The following NOS3 variants were observed in gnomAD, a reference collection of about 807,000 sequenced individuals.
NOS3 encodes the protein nitric oxide synthase 3.
NOS3 carries 98 observed loss-of-function variants against 144.9 expected under a neutral mutation model. That is an observed-to-expected ratio of 0.68 (90% CI 0.57 to 0.80). NOS3 has a LOEUF of 0.80. Ranked by LOEUF, NOS3 falls within the 30% of genes least tolerant of loss-of-function variation. The probability of loss-of-function intolerance (pLI) is 0.00; values close to 1 mark genes in which losing one functional copy is unlikely to be tolerated. For synonymous variants in NOS3, 714 were observed against 702.4 expected, an observed-to-expected ratio of 1.02 and a Z score of -0.26; for missense variants, 1,465 against 1,656.4, an observed-to-expected ratio of 0.88 and a Z score of 2.01.
chr7:151,004,944 G>A (rs1454243751), intron 14 of NOS3, among the ~76,000 whole-genome samples: 4 of 152,008 alleles, frequency 2.6e-5, no homozygotes, highest in Admixed American at 2.0e-4. Context: ...TGCAACCTCC[G>A]CCTCCCCGGT....
chr7:151,010,640 C>T lies in NOS3; in HGVS notation c.2729C>T (p.Thr910Met), dbSNP rs1236633438. Reference sequence around the variant, plus strand: ...GAGTGGAAGTGGTTCCGCTGCCCCACGCTGCTGGAGGTGCTGGAGCAGTTC... The same window carrying T: ...GAGTGGAAGTGGTTCCGCTGCCCCATGCTGCTGGAGGTGCTGGAGCAGTTC... ...YEEWKWFRCPTLLEVLEQFPS... is the reference protein window; with the variant it reads ...YEEWKWFRCPMLLEVLEQFPS... The change falls in exon 22 of 27, where the codon ACG becomes ATG. Residue 910 changes from threonine to methionine, a missense_variant. By Grantham distance (81) the Thr-to-Met change is moderately conservative (BLOSUM62 -1). Around this residue, in one of 5 missense-constraint regions of NOS3, gnomAD observed 745 missense variants for 853.9 expected, o/e 0.87. Transcript: ENST00000297494. 10 of 1,605,682 alleles carry T rather than the reference C, an allele frequency of 6.2e-6. No individual in the cohort carries two copies. The highest frequency in any genetic ancestry group is 7.7e-6 in the Non-Finnish European group (9 of 1,176,422).
At position 151,010,906 on chromosome 7, in the gene NOS3, G is replaced by A. The variant is rs772313522; in HGVS notation, c.2904G>A (p.Leu968=). The change falls in exon 23 of 27, where the codon CTG becomes CTA. Residue 968 remains leucine, a synonymous_variant. Coordinates refer to ENST00000297494, the MANE Select transcript of NOS3 (RefSeq NM_000603.5). Reference sequence around the variant, plus strand: ...TCTCCTTCCCACCCCCAGATGGGCTGGGCCCCCTGCACTATGGAGTCTGCT... The same window carrying A: ...TCTCCTTCCCACCCCCAGATGGGCTAGGCCCCCTGCACTATGGAGTCTGCT... ...AVLAYRTQDG[L]GPLHYGVCST... is the part of the protein sequence containing the mutation. The A allele has an allele frequency of 1.2e-6, 2 of 1,613,710 alleles. No individual in the cohort carries two copies. The highest frequency in any genetic ancestry group is 1.1e-5 in the South Asian group (1 of 90,980).
Position 151,002,274 on chromosome 7 carries a change from T to G in NOS3, c.1722T>G (p.Phe574Leu). ...ETLVLVVTST[F>L]GNGDPPENGE... is the part of the protein sequence containing the mutation. Reference sequence around the variant, plus strand: ...TGGTGCTGGTGGTAACCAGCACATTTGGGAATGGGGATCCCCCGGAGAATG... The same window carrying G: ...TGGTGCTGGTGGTAACCAGCACATTGGGGAATGGGGATCCCCCGGAGAATG... Residue 574 changes from phenylalanine (F) to leucine (L), a missense_variant, in exon 14 of 27, where the codon TTT becomes TTG. Physicochemically the swap from Phe to Leu is conservative, Grantham distance 22. Coordinates refer to ENST00000297494, the MANE Select transcript of NOS3 (RefSeq NM_000603.5). This position sits in a 1 kb window ranked among gnomAD's most constrained non-coding sequence, Gnocchi z 4.1. 1 of 1,598,054 alleles carries G rather than the reference T, an allele frequency of 6.3e-7. No individual in the cohort carries two copies. The highest frequency in any genetic ancestry group is 1.1e-5 in the South Asian group (1 of 88,248).
Position 150,998,559 on chromosome 7 carries a change from C to G in NOS3, c.695C>G (p.Pro232Arg). 6.2e-7 allele frequency: 1 copy of G among 1,609,734 alleles called. No homozygotes were observed. The highest frequency in any genetic ancestry group is 8.5e-7 in the Non-Finnish European group (1 of 1,178,924). The part of the protein sequence containing the change: ...GNLRSAITVF[P>R]QRCPGRGDFR... The stretch of plus-strand genomic sequence containing the variant: ...GCCAGCTCGGCCATCACAGTGTTCC[C>G]GCAGCGCTGCCCTGGCCGAGGAGAC... Residue 232 changes from proline (P) to arginine (R), a missense_variant, in exon 7 of 27, where the codon CCG (proline) becomes CGG (arginine). By Grantham distance (103) the Pro-to-Arg change is moderately radical. Around this residue, in one of 5 missense-constraint regions of NOS3, gnomAD observed 374 missense variants for 377.0 expected, o/e 0.99. Transcript: ENST00000297494. The surrounding 1 kb of genome is among the most constrained non-coding windows in gnomAD (Gnocchi z 5.0).
In NOS3 at chr7:151,001,248, C is replaced by T. The variant is rs1012519236; in HGVS notation, c.1251C>T (p.Ile417=). 13 of 1,613,350 alleles carry T rather than the reference C, an allele frequency of 8.1e-6. No homozygotes were observed. The highest frequency in any genetic ancestry group is 2.2e-5 in the East Asian group (1 of 44,886). The part of the protein sequence containing the change: ...LHSYQLAKVT[I]VDHHAATASF... ...CCTTCCAGCTAGCCAAAGTCACCAT[C>T]GTGGACCACCACGCCGCCACGGCCT... Residue 417 remains isoleucine (I), a synonymous_variant, in exon 11 of 27, where the codon ATC becomes ATT. Transcript: ENST00000297494.
chr7:150,996,756 TC>T lies in NOS3; in HGVS notation c.420-3del, dbSNP rs773089617. On this transcript the variant is annotated splice_region_variant and splice_polypyrimidine_tract_variant and intron_variant, in intron 4 of 26. Transcript: ENST00000297494. ...GCTTGTCCCCTTCCCACCCCTCTCC[TC>T]CCCAGGAGCGGCTCCCAGGCCCACG... is the stretch of plus-strand genomic sequence containing the variant. 6.2e-7 allele frequency: 1 copy of T among 1,610,450 alleles called. No individual in the cohort carries two copies. The highest frequency in any genetic ancestry group is 1.7e-5 in the Admixed American group (1 of 59,858).
chr7:151,010,110 C>A lies in NOS3; in HGVS notation c.2513-5C>A. On this transcript the variant is annotated splice_polypyrimidine_tract_variant and splice_region_variant and intron_variant, in intron 20 of 26. Coordinates refer to ENST00000297494, the MANE Select transcript of NOS3 (RefSeq NM_000603.5). ...TCCTCAGAGCTCCCTGTGCACTATCCCCAGGTGGCCCTCCCCCCGGCTGGG... is the reference window on the plus strand; with the variant it reads ...TCCTCAGAGCTCCCTGTGCACTATCACCAGGTGGCCCTCCCCCCGGCTGGG... 5.1e-6 allele frequency: 8 copies of A among 1,579,774 alleles called. No homozygotes were observed. Among genetic ancestry groups the A allele is most frequent in the Non-Finnish European group, 6.9e-6 (8 of 1,152,914 alleles).
At position 151,003,444 on chromosome 7, in the gene NOS3, T is replaced by G; in HGVS notation, c.1752+1140T>G. The G allele has an allele frequency of 1.6e-6, 2 of 1,216,700 alleles. No individual in the cohort carries two copies. The highest frequency in any genetic ancestry group is 2.1e-6 in the Non-Finnish European group (2 of 951,134). The allele number at this position is 1,216,700 out of a possible 1,614,324, so 75.4% of individuals were successfully genotyped here. A position where few individuals can be genotyped will look rare whatever the true frequency, so the allele number is the denominator to read the frequency against. Reference sequence around the variant, plus strand: ...CCTGGCCCTCAGTATCTTAAGCAAGTTGGAATCTCGTGAAACCCTTTTTGC... The same window carrying G: ...CCTGGCCCTCAGTATCTTAAGCAAGGTGGAATCTCGTGAAACCCTTTTTGC... On this transcript the variant is annotated intron_variant, in intron 14 of 26. Transcript: ENST00000297494. The surrounding 1 kb of genome is among the most constrained non-coding windows in gnomAD (Gnocchi z 4.1).
In NOS3 at chr7:151,014,041, C is replaced by T. The variant is rs1563238169; in HGVS notation, c.3484C>T (p.Leu1162Phe). 1 of 1,613,586 alleles carries T rather than the reference C, an allele frequency of 6.2e-7. No individual in the cohort carries two copies. The highest frequency in any genetic ancestry group is 1.7e-5 in the Admixed American group (1 of 60,022). ...ACGCTACCACGAAGACATTTTCGGG[C>T]TCACGCTGCGCACCCAGGAGGTGAC... ...QQRYHEDIFG[L>F]TLRTQEVTSR... The change falls in exon 27 of 27, where the codon CTC (leucine) becomes TTC (phenylalanine). Residue 1162 changes from leucine to phenylalanine, a missense_variant. By Grantham distance (22) the Leu-to-Phe change is conservative. Coordinates refer to ENST00000297494, the MANE Select transcript of NOS3 (RefSeq NM_000603.5).
intron 23 of NOS3, chr7:151,011,882 C>T (rs1213124121): frequency 2.4e-6 from 1 of 412,472 alleles, no homozygotes; most frequent in Admixed American, 2.9e-5. Context: ...GTCTTGCCCG[C>T]TCTCGCAGCC....
At position 151,001,970 on chromosome 7, in the gene NOS3, G is replaced by C; in HGVS notation, c.1647+5G>C. On this transcript the variant is annotated splice_donor_5th_base_variant and intron_variant, in intron 13 of 26. Transcript: ENST00000297494. ...CGGAAGGCTTTTGATCCCCGGGTAG[G>C]GCTGAGCCCAGGGGAGCAGGGAGCT... The C allele has an allele frequency of 6.2e-7, 1 of 1,613,338 alleles. No homozygotes were observed. The highest frequency in any genetic ancestry group is 8.5e-7 in the Non-Finnish European group (1 of 1,179,976).
chr7:150,995,340 T>A, intron 3 of NOS3, 26 bp downstream of exon 3: 1 of 1,526,086 alleles, frequency 6.6e-7, no homozygotes, highest in East Asian at 2.3e-5. Flanking sequence ...CCTGTCCCCA[T>A]CGTCTCCAGG....
At chr7:151,010,007 C>T (rs143462889) in intron 20 of NOS3, 108 bp from the exon 21 acceptor site, 112 of 734,922 alleles carry the variant, frequency 1.5e-4, no homozygotes, top group Middle Eastern at 1.2e-3. Flanking sequence ...AGGCCGACCC[C>T]GCTGCTCAAG....
rs891573841 is a variant in NOS3, at chr7:150,993,288, G to A, written c.-51-465G>A. ...GGAGTTCTTGTATGTATGGGGGGAG[G>A]TGAAGGAGAGAACCTGCATGACCCT... On this transcript the variant is annotated intron_variant, in intron 1 of 26. Transcript: ENST00000297494. The surrounding 1 kb of genome is among the most constrained non-coding windows in gnomAD (Gnocchi z 4.0). 2.0e-5 allele frequency among the ~76,000 whole-genome samples: 3 copies of A among 152,172 alleles called. No individual in the cohort carries two copies. The highest frequency in any genetic ancestry group is 4.4e-5 in the Non-Finnish European group (3 of 68,018).
At position 150,996,750 on chromosome 7, in the gene NOS3, C is replaced by T. The variant is rs767737456; in HGVS notation, c.420-13C>T. On this transcript the variant is annotated splice_polypyrimidine_tract_variant and intron_variant, in intron 4 of 26. Coordinates refer to ENST00000297494, the MANE Select transcript of NOS3 (RefSeq NM_000603.5). ...CTTCCTGCTTGTCCCCTTCCCACCC[C>T]TCTCCTCCCCAGGAGCGGCTCCCAG... 5 of 1,611,164 alleles carry T rather than the reference C, an allele frequency of 3.1e-6. No homozygotes were observed. The African/African-American group carries it at 6.7e-5, about 22-fold the overall frequency.
At chr7:151,013,408 C>G (rs775089462) in intron 25 of NOS3, 29 bp downstream of exon 25, 2 of 1,596,968 alleles carry the variant, frequency 1.3e-6, no homozygotes, top group South Asian at 2.2e-5. Context: ...GCAATGGTAA[C>G]CTGAAGATAG....
chr7:150,999,595 G>A (rs1210648164), intron 9 of NOS3, among the ~76,000 whole-genome samples: 2 of 151,606 alleles, frequency 1.3e-5, no homozygotes, highest in Non-Finnish European at 2.9e-5. Flanking sequence ...GGTTTCTGGG[G>A]TGTGCAGTGG....
intron 24 of NOS3, 136 bp from the exon 25 acceptor site, chr7:151,013,095 A>T: frequency 1.1e-6 from 1 of 918,540 alleles, no homozygotes; most frequent in Non-Finnish European, 1.7e-6. Flanking sequence ...ACTCTCTTAG[A>T]GATGAAACAG....
intron 23 of NOS3, 155 bp from the exon 24 acceptor site, chr7:151,012,196 T>C: frequency 4.8e-6 from 3 of 622,910 alleles, no homozygotes; most frequent in Non-Finnish European, 8.0e-6. Flanking sequence ...CCAAGGAGTT[T>C]CAGCAAGTAG....
Sources: allele counts gnomAD v4.1 joint callset (sites outside exome capture counted in the v4.1 genomes callset), GRCh38; gene constraint gnomAD v4.1.1; regional missense constraint gnomAD v4.1.1; non-coding constraint Gnocchi (gnomAD v3.1); transcripts MANE v1.5; gene names NCBI Gene and HGNC (gene_info 2026-07-23, HGNC 2026-07-21).